Variants in MCC observed in about 807,000 individuals in gnomAD.
The protein encoded by MCC is colorectal mutant cancer protein.
Under a neutral mutation model 116.2 loss-of-function variants are expected in MCC, and 90 were observed. The ratio of observed to expected loss-of-function variants is 0.77; its 90% confidence interval spans 0.65 to 0.92. MCC has a LOEUF of 0.92. MCC is among the 40% of genes least tolerant of loss of function. The probability of loss-of-function intolerance (pLI) is 0.00; values close to 1 mark genes in which losing one functional copy is unlikely to be tolerated. For synonymous variants in MCC, 578 were observed against 510.5 expected (o/e 1.13, Z -1.78); for missense variants, 1,516 against 1,312.2 (o/e 1.16, Z -2.40).
At chr5:113,139,574 G>C (rs1759053109) in intron 5 of MCC, among the ~76,000 whole-genome samples, 1 of 152,154 alleles carries the variant, frequency 6.6e-6, no homozygotes, top group African/African-American at 2.4e-5. Context: ...ACACCAGTTA[G>C]AATGGCGATC....
intron 16 of MCC, among the ~76,000 whole-genome samples, chr5:113,044,149 G>A (rs1018208961): frequency 3.3e-5 from 5 of 152,152 alleles, no homozygotes; most frequent in South Asian, 2.1e-4. Flanking sequence ...GAATATCCTT[G>A]GTGCCCCATC....
In MCC at chr5:113,104,373, C is replaced by T. The variant is rs1756611238; in HGVS notation, c.1028-18G>A. 1.9e-5 allele frequency: 31 copies of T among 1,592,478 alleles called. No individual in the cohort carries two copies. The highest frequency in any genetic ancestry group is 2.5e-5 in the Non-Finnish European group (29 of 1,167,264). On this transcript the variant is annotated intron_variant, in intron 6 of 18. Coordinates refer to ENST00000408903, the MANE Select transcript of MCC (RefSeq NM_001085377.2). ...GCAGTTGTCTGTGAGTGAATGAAGACAAAATGCGTTACACAGGGCAACAAA... is the reference window on the plus strand; with the variant it reads ...GCAGTTGTCTGTGAGTGAATGAAGATAAAATGCGTTACACAGGGCAACAAA...
intron 5 of MCC, among the ~76,000 whole-genome samples, chr5:113,131,412 G>T (rs1411694170): frequency 1.3e-5 from 2 of 152,130 alleles, no homozygotes; most frequent in African/African-American, 4.8e-5. Context: ...TATATGATCA[G>T]ATTTGTTTAA....
At chr5:113,098,296 G>A (rs1756172225) in intron 8 of MCC, among the ~76,000 whole-genome samples, 1 of 152,176 alleles carries the variant, frequency 6.6e-6, no homozygotes, top group African/African-American at 2.4e-5. Context: ...GGCACTCTCT[G>A]TGTTTACCTG....
intron 3 of MCC, among the ~76,000 whole-genome samples, chr5:113,178,081 A>C (rs1314257295): frequency 6.6e-6 from 1 of 152,254 alleles, no homozygotes; most frequent in Non-Finnish European, 1.5e-5. Context: ...CAGGGCTTGC[A>C]AATCAGAACA....
intron 3 of MCC, among the ~76,000 whole-genome samples, chr5:113,255,682 T>C (rs1394926418): frequency 6.6e-6 from 1 of 152,218 alleles, no homozygotes; most frequent in Non-Finnish European, 1.5e-5. Context: ...AGGAGGAATA[T>C]GCTGGGTAGG....
chr5:113,419,357 CT>C (rs1053150347), intron 1 of MCC, among the ~76,000 whole-genome samples: 2 of 142,278 alleles, frequency 1.4e-5, no homozygotes, highest in African/African-American at 2.7e-5. Context: ...TATTCTTCTT[CT>C]TTTTTTCTTT....
chr5:113,252,020 C>T (rs1000901446), intron 3 of MCC, among the ~76,000 whole-genome samples: 7 of 152,152 alleles, frequency 4.6e-5, no homozygotes, highest in Non-Finnish European at 8.8e-5. Context: ...TCAAATAAAA[C>T]CCCACCCTTT....
At chr5:113,358,827 C>T (rs543341187) in intron 2 of MCC, among the ~76,000 whole-genome samples, 1 of 152,258 alleles carries the variant, frequency 6.6e-6, no homozygotes, top group East Asian at 1.9e-4. Context: ...AACAGAATCA[C>T]CATGAGTCTT....
chr5:113,026,966 C>T lies in MCC; in HGVS notation c.*336G>A, dbSNP rs992723404. ...TGGAAAATCTTACAGAAACAAATGT[C>T]TGGGATCCCACTGATGCACAGCCGC... is the stretch of plus-strand genomic sequence containing the variant. On this transcript the variant is annotated 3_prime_UTR_variant, in exon 19 of 19. Transcript: ENST00000408903. 7.7e-6 allele frequency: 2 copies of T among 261,248 alleles called. No homozygotes were observed. Among genetic ancestry groups the T allele is most frequent in the African/African-American group, 2.2e-5 (1 of 45,262 alleles). 16.2% of individuals were successfully genotyped at this position (261,248 alleles called of 1,614,324 possible). A position where few individuals can be genotyped will look rare whatever the true frequency, so the allele number is the denominator to read the frequency against.
intron 1 of MCC, among the ~76,000 whole-genome samples, chr5:113,401,138 A>G (rs184941276): frequency 6.0e-4 from 91 of 152,356 alleles, no homozygotes; most frequent in Middle Eastern, 6.8e-3. Context: ...CTTCCAGAAT[A>G]GTTATTCCTT....
At chr5:113,087,618 C>T (rs1755294132) in intron 8 of MCC, among the ~76,000 whole-genome samples, 1 of 152,138 alleles carries the variant, frequency 6.6e-6, no homozygotes. Context: ...GTGAATTCAA[C>T]CTCCCGGTGA....
chr5:113,301,331 G>T (rs1581384640), intron 3 of MCC, among the ~76,000 whole-genome samples: 2 of 152,132 alleles, frequency 1.3e-5, no homozygotes, highest in African/African-American at 4.8e-5. Flanking sequence ...CAGGTGTGGT[G>T]GTGCATGCCT....
At chr5:113,449,125 G>A (rs373334385) in intron 1 of MCC, among the ~76,000 whole-genome samples, 4 of 152,172 alleles carry the variant, frequency 2.6e-5, no homozygotes, top group African/African-American at 9.7e-5. Context: ...AGCACAAATG[G>A]CTCACGAACT....
At chr5:113,239,997 G>A (rs1003905024) in intron 3 of MCC, among the ~76,000 whole-genome samples, 5 of 152,164 alleles carry the variant, frequency 3.3e-5, no homozygotes, top group Non-Finnish European at 5.9e-5. Context: ...GTATCCTCCA[G>A]TGGCTTCTGC....
intron 2 of MCC, among the ~76,000 whole-genome samples, chr5:113,345,329 G>C (rs1220806635): frequency 6.6e-6 from 1 of 152,084 alleles, no homozygotes; most frequent in African/African-American, 2.4e-5. Flanking sequence ...CCAGAGCCTG[G>C]GGGAGCTCAC....
chr5:113,226,301 A>T (rs1377758094), intron 3 of MCC, among the ~76,000 whole-genome samples: 1 of 152,248 alleles, frequency 6.6e-6, no homozygotes, highest in African/African-American at 2.4e-5. Context: ...CCAGGATGGG[A>T]CCAAAAACAA....
intron 2 of MCC, among the ~76,000 whole-genome samples, chr5:113,345,152 G>A (rs544299860): frequency 4.6e-5 from 7 of 152,200 alleles, no homozygotes; most frequent in Non-Finnish European, 1.0e-4. Context: ...AGTGGTGGTG[G>A]CCACTGAGAG....
At chr5:113,407,453 CA>C (rs1371854052) in intron 1 of MCC, among the ~76,000 whole-genome samples, 1 of 152,136 alleles carries the variant, frequency 6.6e-6, no homozygotes, top group Non-Finnish European at 1.5e-5. Context: ...GCAAAAACTG[CA>C]AAAACTGGGA....
Sources: gnomAD v4.1 joint callset for allele counts (sites outside exome capture counted in the v4.1 genomes callset) on GRCh38, gnomAD v4.1.1 for gene constraint, MANE v1.5 for transcripts, NCBI Gene and HGNC (gene_info 2026-07-23, HGNC 2026-07-21) for gene names.